The following DGKB variants were observed in gnomAD, a reference collection of about 807,000 sequenced individuals.
DGKB encodes 90 kDa diacylglycerol kinase.
A neutral mutation model predicts 114.3 loss-of-function variants in DGKB; 67 were observed. The ratio of observed to expected loss-of-function variants is 0.59; its 90% CI spans 0.48 to 0.72. The LOEUF (loss-of-function observed/expected upper bound fraction) is 0.72. Ranked by LOEUF, DGKB falls within the 30% of genes least tolerant of loss-of-function variation. The probability of loss-of-function intolerance (pLI) is 0.00; values close to 1 mark genes in which losing one functional copy is unlikely to be tolerated. For missense variants in DGKB, 907 were observed against 975.2 expected, an observed-to-expected ratio of 0.93 and a Z score of 0.93; for synonymous variants, 398 against 323.1, an observed-to-expected ratio of 1.23 and a Z score of -2.49.
intron 25 of DGKB, among the ~76,000 whole-genome samples, chr7:14,154,465 A>G (rs536291220): frequency 6.6e-4 from 100 of 152,042 alleles, no homozygotes; most frequent in Non-Finnish European, 9.3e-4. Flanking sequence ...TCCCTCATCA[A>G]TACTGTAGAG....
In DGKB at chr7:14,692,796, G is replaced by C. The variant is rs184231760; in HGVS notation, c.711+1279C>G. Among the ~76,000 whole-genome samples the C allele has an allele frequency of 3.8e-3, 581 of 151,800 alleles. 3 individuals are homozygous for C. The highest frequency in any genetic ancestry group is 0.013 in the African/African-American group (519 of 41,446). ...CCTCTGACCATGTCTTGGATCCCAT[G>C]GGCCTCATGAAAGGTAAGCTTCAAC... On this transcript the variant is annotated intron_variant, in intron 9 of 25. Coordinates refer to ENST00000402815, the MANE Select transcript of DGKB (RefSeq NM_001350709.2).
chr7:14,334,700 A>G (rs1281165352), intron 23 of DGKB, among the ~76,000 whole-genome samples: 4 of 152,094 alleles, frequency 2.6e-5, no homozygotes, highest in Non-Finnish European at 5.9e-5. Flanking sequence ...TTTAAAATGC[A>G]AAAACCTCTA....
At chr7:14,290,551 C>T (rs1801600346) in intron 23 of DGKB, among the ~76,000 whole-genome samples, 1 of 152,134 alleles carries the variant, frequency 6.6e-6, no homozygotes, top group Admixed American at 6.5e-5. Context: ...CAGACTCAGG[C>T]TGCCTCGGTA....
rs78460524 is a variant in DGKB at position 14,831,130 on chromosome 7, T to G, written c.70+10064A>C. On this transcript the variant is annotated intron_variant, in intron 2 of 25. Coordinates refer to ENST00000402815, the MANE Select transcript of DGKB (RefSeq NM_001350709.2). ...AAAAGTAGGGCACAAATAAGATGTATCTGAGAACCTAGTCATAGGGCAAAG... is the reference window on the plus strand; with the variant it reads ...AAAAGTAGGGCACAAATAAGATGTAGCTGAGAACCTAGTCATAGGGCAAAG... 8.8e-3 allele frequency among the ~76,000 whole-genome samples: 1,339 copies of G among 151,958 alleles called. 25 individuals are homozygous for G. Among genetic ancestry groups the G allele is most frequent in the African/African-American group, 0.031 (1,272 of 41,468 alleles).
At chr7:14,969,004 C>T (rs1174638171) in intron 1 of DGKB, among the ~76,000 whole-genome samples, 1 of 152,098 alleles carries the variant, frequency 6.6e-6, no homozygotes, top group African/African-American at 2.4e-5. Flanking sequence ...GTTTTCCAGT[C>T]TGTCATTTAT....
At chr7:14,593,792 A>G (rs1357732157) in intron 17 of DGKB, among the ~76,000 whole-genome samples, 2 of 149,906 alleles carry the variant, frequency 1.3e-5, no homozygotes, top group Non-Finnish European at 3.0e-5. Flanking sequence ...GTGCCATGTA[A>G]TCAAATTGAA....
intron 13 of DGKB, among the ~76,000 whole-genome samples, chr7:14,645,251 A>G (rs1040821678): frequency 3.3e-5 from 5 of 152,042 alleles, no homozygotes; most frequent in Non-Finnish European, 2.9e-5. Flanking sequence ...ATACAATTCT[A>G]CTATATCTTA....
intron 23 of DGKB, among the ~76,000 whole-genome samples, chr7:14,203,940 A>AT (rs1330914474): frequency 9.9e-5 from 15 of 151,924 alleles, no homozygotes; most frequent in Non-Finnish European, 7.4e-5. Context: ...GATAACATGG[A>AT]TAAAAACTAC....
In DGKB at chr7:14,841,286, A is replaced by G. The variant is rs1380101190; in HGVS notation, c.-23T>C. On this transcript the variant is annotated 5_prime_UTR_variant, in exon 2 of 26. An upstream open reading frame in the 5' UTR loses its in-frame stop. Coordinates refer to ENST00000402815, the MANE Select transcript of DGKB (RefSeq NM_001350709.2). ...CATGGTGGTGGTGAGAAGCTCTGTC[A>G]CATACCAGGTAAAAGATTCTTTATT... is the stretch of plus-strand genomic sequence containing the variant. 7 of 1,608,984 alleles carry G rather than the reference A, an allele frequency of 4.4e-6. No homozygotes were observed. The highest frequency in any genetic ancestry group is 1.3e-5 in the African/African-American group (1 of 74,838).
At chr7:14,890,054 T>C (rs1239768802) in intron 1 of DGKB, among the ~76,000 whole-genome samples, 3 of 151,570 alleles carry the variant, frequency 2.0e-5, no homozygotes, top group African/African-American at 7.3e-5. Context: ...TAAAATCTAA[T>C]GATATTCCTC....
At chr7:14,743,598 A>G (rs903039370) in intron 4 of DGKB, among the ~76,000 whole-genome samples, 1 of 152,170 alleles carries the variant, frequency 6.6e-6, no homozygotes, top group African/African-American at 2.4e-5. Context: ...GGTTAGGTAC[A>G]TGGGATCTCC....
chr7:14,310,576 C>T (rs954329785), intron 23 of DGKB, among the ~76,000 whole-genome samples: 1 of 152,106 alleles, frequency 6.6e-6, no homozygotes, highest in East Asian at 1.9e-4. Flanking sequence ...GAGGTTAAGG[C>T]CAGGCACCCT....
At position 14,706,448 on chromosome 7, in the gene DGKB, G is replaced by A. The variant is rs937867572; in HGVS notation, c.467-4718C>T. 2.0e-5 allele frequency among the ~76,000 whole-genome samples: 3 copies of A among 150,580 alleles called. No homozygotes were observed. The South Asian group carries it at 6.3e-4, about 32-fold the overall frequency. Reference sequence around the variant, plus strand: ...CAAGGATACCCAGGAATTGAACTCAGCTCTGCACCAAGAGGACCTAATACA... The same window carrying A: ...CAAGGATACCCAGGAATTGAACTCAACTCTGCACCAAGAGGACCTAATACA... On this transcript the variant is annotated intron_variant, in intron 6 of 25. Transcript: ENST00000402815.
At chr7:14,509,242 GT>G (rs1787596514) in intron 20 of DGKB, among the ~76,000 whole-genome samples, 1 of 152,124 alleles carries the variant, frequency 6.6e-6, no homozygotes, top group Non-Finnish European at 1.5e-5. Flanking sequence ...AGCTAATACT[GT>G]GGGAAAGAGA....
upstream of DGKB, among the ~76,000 whole-genome samples, chr7:14,904,751 T>G (rs1783589667): frequency 6.6e-6 from 1 of 152,210 alleles, no homozygotes; most frequent in South Asian, 2.1e-4. Context: ...ATAGCTATTT[T>G]TCTCTTCATT....
chr7:14,567,441 A>ATAT (rs1797704798), intron 20 of DGKB, among the ~76,000 whole-genome samples: 1 of 59,076 alleles, frequency 1.7e-5, no homozygotes. Context: ...ATATAATTAT[A>ATAT]TTATATATTA....
chr7:14,670,549 C>T (rs1477119827), intron 13 of DGKB, among the ~76,000 whole-genome samples: 1 of 152,040 alleles, frequency 6.6e-6, no homozygotes, highest in Non-Finnish European at 1.5e-5. Context: ...AAGTGATCCA[C>T]CCACCTCGAC....
intron 5 of DGKB, among the ~76,000 whole-genome samples, chr7:14,734,700 TA>T (rs1831447604): frequency 2.6e-5 from 4 of 152,344 alleles, no homozygotes; most frequent in South Asian, 2.1e-4. Context: ...AATAATGGGT[TA>T]TTTTTTGTTA....
intron 23 of DGKB, among the ~76,000 whole-genome samples, chr7:14,202,301 C>T (rs1584421662): frequency 6.6e-6 from 1 of 152,050 alleles, no homozygotes; most frequent in East Asian, 1.9e-4. Flanking sequence ...ATGGTTTGCT[C>T]ACAGTAATTC....
Sources: allele counts gnomAD v4.1 joint callset (sites outside exome capture counted in the v4.1 genomes callset), GRCh38; gene constraint gnomAD v4.1.1; transcripts MANE v1.5; gene names NCBI Gene and HGNC (gene_info 2026-07-23, HGNC 2026-07-21).